Variants in XKR9 observed in about 807,000 individuals in gnomAD.
XKR9 encodes XK-related protein 9.
In XKR9, 32 loss-of-function variants were observed where a neutral mutation model predicts 32.0. That is an observed-to-expected ratio of 1.00 (90% CI 0.76 to 1.34). The LOEUF (loss-of-function observed/expected upper bound fraction) is 1.34. Ranked by LOEUF, XKR9 falls within the 40% of genes most tolerant of loss-of-function variation. The probability of loss-of-function intolerance (pLI) is 0.00; values close to 1 mark genes in which losing one functional copy is unlikely to be tolerated. For missense variants in XKR9, 546 were observed against 429.7 expected (o/e 1.27, Z -2.39); for synonymous variants, 168 against 143.4 (o/e 1.17, Z -1.22).
At chr8:70,714,578 A>G (rs1286211536) in intron 4 of XKR9, among the ~76,000 whole-genome samples, 1 of 152,124 alleles carries the variant, frequency 6.6e-6, no homozygotes, top group Non-Finnish European at 1.5e-5. Context: ...TTTTGTCAAC[A>G]TCATAACTTA....
In XKR9 at chr8:70,681,132, A is replaced by G. The variant is rs1563418189; in HGVS notation, c.74A>G (p.Asp25Gly). The change falls in exon 3 of 5, where the codon GAC becomes GGC. Residue 25 changes from aspartate (D) to glycine (G), a missense_variant. By Grantham distance (94) the Asp-to-Gly change is moderately conservative (BLOSUM62 -1). Coordinates refer to ENST00000408926, the MANE Select transcript of XKR9 (RefSeq NM_001011720.2). ...IIIYVTDLIV[D>G]IWVSVRFFHE... ...ATCTACGTAACTGATTTAATTGTGGACATATGGGTATCTGTCAGATTTTTC... is the reference window on the plus strand; with the variant it reads ...ATCTACGTAACTGATTTAATTGTGGGCATATGGGTATCTGTCAGATTTTTC... The G allele has an allele frequency of 1.2e-6, 2 of 1,613,518 alleles. No homozygotes were observed. The highest frequency in any genetic ancestry group is 1.7e-6 in the Non-Finnish European group (2 of 1,179,560).
At chr8:70,875,942 A>T in the XKR9 span, among the ~76,000 whole-genome samples, 1 of 152,080 alleles carries the variant, frequency 6.6e-6, no homozygotes, top group Non-Finnish European at 1.5e-5. Flanking sequence ...ATGTAGAGGA[A>T]AAAAAAACTC....
chr8:71,047,034 G>C, the XKR9 span, among the ~76,000 whole-genome samples: 34 of 152,328 alleles, frequency 2.2e-4, no homozygotes, highest in African/African-American at 7.9e-4. Context: ...ATGAACCCAA[G>C]TTTGGTCTCT....
the XKR9 span, among the ~76,000 whole-genome samples, chr8:70,815,122 A>C: frequency 6.6e-6 from 1 of 152,200 alleles, no homozygotes; most frequent in Non-Finnish European, 1.5e-5. Flanking sequence ...TTCCATACTT[A>C]TGGATCAGAA....
At chr8:70,860,266 C>T in the XKR9 span, among the ~76,000 whole-genome samples, 1 of 151,910 alleles carries the variant, frequency 6.6e-6, no homozygotes, top group Non-Finnish European at 1.5e-5. Context: ...AAGGTGGAGC[C>T]CTCATGAATG....
chr8:70,976,317 G>C, the XKR9 span, among the ~76,000 whole-genome samples: 7 of 152,288 alleles, frequency 4.6e-5, no homozygotes, highest in South Asian at 1.5e-3. Context: ...TTTTCAAAGG[G>C]AATGCTTCCA....
chr8:70,773,539 G>T (rs998842324), intron 2 of XKR9, among the ~76,000 whole-genome samples: 1 of 152,160 alleles, frequency 6.6e-6, no homozygotes, highest in Non-Finnish European at 1.5e-5. Flanking sequence ...TTGGGAAAGG[G>T]GAGAAACACT....
chr8:70,885,939 G>A, the XKR9 span, among the ~76,000 whole-genome samples: 1 of 152,028 alleles, frequency 6.6e-6, no homozygotes, highest in Non-Finnish European at 1.5e-5. Flanking sequence ...TGTGCAGAAC[G>A]TGCAGTTTTG....
intron 2 of XKR9, among the ~76,000 whole-genome samples, chr8:70,746,002 G>A (rs546692601): frequency 5.8e-4 from 89 of 152,222 alleles, no homozygotes; most frequent in Middle Eastern, 6.8e-3. Context: ...TGAACCATTT[G>A]TCGTTTCCCA....
the XKR9 span, among the ~76,000 whole-genome samples, chr8:71,019,602 T>C: frequency 2.6e-5 from 4 of 152,190 alleles, no homozygotes; most frequent in African/African-American, 7.2e-5. Context: ...GCTATTCTTT[T>C]ATGTTTTTGT....
chr8:70,815,175 TTTAAC>T, the XKR9 span, among the ~76,000 whole-genome samples: 1 of 152,194 alleles, frequency 6.6e-6, no homozygotes, highest in Admixed American at 6.5e-5. Context: ...TTTTAATTTT[TTTAAC>T]TTTTAAGTTC....
the XKR9 span, among the ~76,000 whole-genome samples, chr8:71,014,047 G>A: frequency 6.6e-5 from 10 of 151,938 alleles, no homozygotes; most frequent in African/African-American, 2.4e-4. Flanking sequence ...AAACTTTGTC[G>A]CAAATTTGGG....
At chr8:70,776,919 T>TCTCTCTCTCTCTCTCTCTCTCTCTCTC (rs1466163794) in intron 2 of XKR9, among the ~76,000 whole-genome samples, 5 of 70,474 alleles carry the variant, frequency 7.1e-5, no homozygotes, top group Non-Finnish European at 1.3e-4. Context: ...GGTTTTCTCT[T>TCTCTCTCTCTCTCTCTCTCTCTCTCTC]TCTTTCTCTC....
chr8:70,812,987 C>G, the XKR9 span, among the ~76,000 whole-genome samples: 1 of 152,166 alleles, frequency 6.6e-6, no homozygotes, highest in Non-Finnish European at 1.5e-5. Context: ...ATTGCCAAGT[C>G]AATCCTAAGC....
At chr8:70,813,132 A>C in the XKR9 span, among the ~76,000 whole-genome samples, 1 of 152,188 alleles carries the variant, frequency 6.6e-6, no homozygotes, top group East Asian at 1.9e-4. Context: ...CCTCAGAAAT[A>C]ATGCCGCATA....
chr8:71,062,534 G>A, the XKR9 span, among the ~76,000 whole-genome samples: 1 of 152,130 alleles, frequency 6.6e-6, no homozygotes, highest in South Asian at 2.1e-4. Flanking sequence ...TCTGGCGGGA[G>A]CAGGGAGACA....
chr8:70,773,475 A>G (rs1411879256), intron 2 of XKR9, among the ~76,000 whole-genome samples: 1 of 152,190 alleles, frequency 6.6e-6, no homozygotes, highest in African/African-American at 2.4e-5. Flanking sequence ...AACAAGCTCC[A>G]CATGCAAAAT....
At chr8:70,831,658 T>A in the XKR9 span, among the ~76,000 whole-genome samples, 2 of 152,190 alleles carry the variant, frequency 1.3e-5, no homozygotes, top group African/African-American at 4.8e-5. Flanking sequence ...CTTTTTGGGG[T>A]TTCTATAATT....
At chr8:70,750,192 G>T (rs774496620) in intron 2 of XKR9, among the ~76,000 whole-genome samples, 2 of 152,194 alleles carry the variant, frequency 1.3e-5, no homozygotes, top group Non-Finnish European at 2.9e-5. Context: ...CTGGCAGTGT[G>T]TCTTGCTAAC....
Sources: gnomAD v4.1 joint callset for allele counts (sites outside exome capture counted in the v4.1 genomes callset) on GRCh38, gnomAD v4.1.1 for gene constraint, MANE v1.5 for transcripts, NCBI Gene and HGNC (gene_info 2026-07-23, HGNC 2026-07-21) for gene names.